Variants in CTNND2 observed in about 807,000 individuals in gnomAD.
CTNND2 encodes catenin delta 2.
In CTNND2, 22 loss-of-function variants were observed where a neutral mutation model predicts 144.4. The ratio of observed to expected loss-of-function variants is 0.15; its 90% CI spans 0.11 to 0.22. CTNND2 has a LOEUF of 0.22. Ranked by LOEUF, CTNND2 falls within the 10% of genes least tolerant of loss-of-function variation. CTNND2 has a pLI of 1.00. For synonymous variants in CTNND2, 751 were observed against 695.6 expected, an observed-to-expected ratio of 1.08 and a Z score of -1.25; for missense variants, 1,353 against 1,618.8, an observed-to-expected ratio of 0.84 and a Z score of 2.82.
chr5:11,383,398 C>T (rs1273450192), intron 7 of CTNND2, among the ~76,000 whole-genome samples: 1 of 152,134 alleles, frequency 6.6e-6, no homozygotes, highest in East Asian at 1.9e-4. Flanking sequence ...CTAAGCAGAT[C>T]GCTACTCCTG....
At chr5:11,896,320 C>T (rs1039057725) in intron 1 of CTNND2, among the ~76,000 whole-genome samples, 18 of 152,088 alleles carry the variant, frequency 1.2e-4, no homozygotes, top group Non-Finnish European at 1.9e-4. Context: ...AAATGTGTAT[C>T]GCTTGATATC....
chr5:11,234,759 T>A (rs546061628), intron 10 of CTNND2, among the ~76,000 whole-genome samples: 1 of 152,322 alleles, frequency 6.6e-6, no homozygotes, highest in Non-Finnish European at 1.5e-5. Flanking sequence ...GGTGACTCCT[T>A]GTAATAGAGT....
intron 5 of CTNND2, among the ~76,000 whole-genome samples, chr5:11,409,362 T>C (rs974059903): frequency 1.3e-5 from 2 of 152,078 alleles, no homozygotes; most frequent in Non-Finnish European, 2.9e-5. Context: ...TCCTTGGACA[T>C]ATGTAACAAA....
At chr5:11,641,653 TG>T (rs1561648502) in intron 2 of CTNND2, among the ~76,000 whole-genome samples, 1 of 150,224 alleles carries the variant, frequency 6.7e-6, no homozygotes, top group African/African-American at 2.5e-5. Flanking sequence ...TACATATACG[TG>T]TGTATATACA....
intron 3 of CTNND2, among the ~76,000 whole-genome samples, chr5:11,558,009 C>CA (rs756940900): frequency 4.6e-4 from 70 of 151,988 alleles, no homozygotes; most frequent in East Asian, 2.7e-3. Flanking sequence ...AGGTGATTTC[C>CA]AAAAAAGACA....
At chr5:11,750,703 C>T (rs770307037) in intron 1 of CTNND2, among the ~76,000 whole-genome samples, 5 of 151,522 alleles carry the variant, frequency 3.3e-5, no homozygotes, top group South Asian at 2.1e-4. Flanking sequence ...TGTAGGTTTG[C>T]GTCAAGATTC....
chr5:11,543,821 A>T (rs1774972708), intron 3 of CTNND2, among the ~76,000 whole-genome samples: 1 of 152,208 alleles, frequency 6.6e-6, no homozygotes, highest in South Asian at 2.1e-4. Context: ...ACAGACCAAT[A>T]ATTTAGTTCA....
chr5:11,775,220 G>C (rs1179678381), intron 1 of CTNND2, among the ~76,000 whole-genome samples: 3 of 152,138 alleles, frequency 2.0e-5, no homozygotes, highest in Admixed American at 6.5e-5. Flanking sequence ...AAGAGTGAAA[G>C]ACATTTCCTA....
intron 3 of CTNND2, among the ~76,000 whole-genome samples, chr5:11,417,056 C>A (rs1323724699): frequency 6.6e-6 from 1 of 152,122 alleles, no homozygotes; most frequent in Non-Finnish European, 1.5e-5. Context: ...AAGCAAAAAT[C>A]CTAATAGCTA....
chr5:11,624,005 A>G (rs1380533427), intron 2 of CTNND2, among the ~76,000 whole-genome samples: 1 of 151,578 alleles, frequency 6.6e-6, no homozygotes, highest in Non-Finnish European at 1.5e-5. Flanking sequence ...AAAGATATTC[A>G]GGACCCAAAC....
intron 13 of CTNND2, among the ~76,000 whole-genome samples, chr5:11,113,732 C>T (rs1315897115): frequency 2.6e-5 from 4 of 152,184 alleles, no homozygotes; most frequent in Admixed American, 6.5e-5. Context: ...GAAAGGAGGA[C>T]AGCTAAAGCT....
chr5:11,381,451 T>C (rs1458758523), intron 7 of CTNND2, among the ~76,000 whole-genome samples: 1 of 152,158 alleles, frequency 6.6e-6, no homozygotes, highest in Non-Finnish European at 1.5e-5. Flanking sequence ...ATGTGTTTGC[T>C]CTTGTTCTCT....
intron 8 of CTNND2, among the ~76,000 whole-genome samples, chr5:11,363,613 A>C (rs1013974522): frequency 6.6e-6 from 1 of 152,188 alleles, no homozygotes; most frequent in African/African-American, 2.4e-5. Flanking sequence ...AAATAAAATA[A>C]AGAGTATTTT....
chr5:10,985,855 G>A (rs1397174309), intron 20 of CTNND2, among the ~76,000 whole-genome samples: 1 of 152,106 alleles, frequency 6.6e-6, no homozygotes, highest in African/African-American at 2.4e-5. Context: ...CACCTGGCTT[G>A]GCTGGGGACT....
rs144783560 is a variant in CTNND2 at position 11,891,734 on chromosome 5, A to G, written c.37+12083T>C. ...TTCATTTTAGACATTCCAGCCTCTA[A>G]AACTGTGAGAAATAAACGTTGTTTA... On this transcript the variant is annotated intron_variant, in intron 1 of 21. Transcript: ENST00000304623. Among the ~76,000 whole-genome samples, 7 of 152,286 alleles carry G rather than the reference A, an allele frequency of 4.6e-5. No individual in the cohort carries two copies. The East Asian group carries it at 1.4e-3, about 29-fold the overall frequency.
chr5:11,709,791 C>T (rs2126689352), intron 2 of CTNND2, among the ~76,000 whole-genome samples: 1 of 152,226 alleles, frequency 6.6e-6, no homozygotes, highest in African/African-American at 2.4e-5. Context: ...CAAAACATTT[C>T]TTTAATATTA....
At chr5:11,898,189 C>T (rs1737554549) in intron 1 of CTNND2, among the ~76,000 whole-genome samples, 1 of 152,170 alleles carries the variant, frequency 6.6e-6, no homozygotes, top group African/African-American at 2.4e-5. Context: ...TTTTTCCCTT[C>T]CAATATCCCA....
intron 1 of CTNND2, among the ~76,000 whole-genome samples, chr5:11,783,332 T>A (rs1216237950): frequency 1.3e-5 from 2 of 152,084 alleles, no homozygotes; most frequent in East Asian, 3.9e-4. Context: ...CTCTCCCCAT[T>A]TGCTACCTGC....
intron 16 of CTNND2, among the ~76,000 whole-genome samples, chr5:11,072,636 C>T (rs1748455171): frequency 6.6e-6 from 1 of 152,250 alleles, no homozygotes; most frequent in Non-Finnish European, 1.5e-5. Context: ...GATTCTCTCA[C>T]TCAATGTCCC....
Sources: gnomAD v4.1 joint callset for allele counts (sites outside exome capture counted in the v4.1 genomes callset) on GRCh38, gnomAD v4.1.1 for gene constraint, MANE v1.5 for transcripts, NCBI Gene and HGNC (gene_info 2026-07-23, HGNC 2026-07-21) for gene names.